CHL1: variants seen among roughly 807,000 people sequenced by gnomAD.
CHL1 encodes the protein cell adhesion molecule L1 like, also known as neural cell adhesion molecule L1-like protein.
In CHL1, 96 loss-of-function variants were observed where a neutral mutation model predicts 141.9. That is an observed-to-expected ratio of 0.68 (90% CI 0.57 to 0.80). The LOEUF (loss-of-function observed/expected upper bound fraction) is 0.80, where lower values mean the gene tolerates loss of function less well. Among genes scored for constraint, CHL1 ranks in the 30% least tolerant of loss-of-function variants. The pLI is 0.00. For missense variants in CHL1, 1,820 were observed against 1,457.2 expected, an observed-to-expected ratio of 1.25 and a Z score of -4.05; for synonymous variants, 613 against 502.2, an observed-to-expected ratio of 1.22 and a Z score of -2.95.
At chr3:306,524 T>C (rs1224092335) in intron 2 of CHL1, among the ~76,000 whole-genome samples, 2 of 152,178 alleles carry the variant, frequency 1.3e-5, no homozygotes, top group Admixed American at 6.5e-5. Flanking sequence ...TATATTCCAC[T>C]TGAAAATTTT....
In CHL1 at chr3:406,774, CTT is replaced by C. The variant is rs1169261182; in HGVS notation, c.*1065_*1066del. 1 of 152,030 alleles carries C rather than the reference CTT, an allele frequency of 6.6e-6. No homozygotes were observed. 9.4% of individuals were successfully genotyped at this position (152,030 alleles called of 1,614,324 possible). On this transcript the variant is annotated 3_prime_UTR_variant, in exon 28 of 28. Coordinates refer to ENST00000256509, the MANE Select transcript of CHL1 (RefSeq NM_006614.4). ...TAACACGAGGTTCCAAAGCTGAAGA[CTT>C]TGTATAAAGTATTTGGGTTTTGTTC... is the stretch of plus-strand genomic sequence containing the variant.
intron 5 of CHL1, among the ~76,000 whole-genome samples, chr3:334,243 C>T (rs145977154): frequency 6.6e-6 from 1 of 152,104 alleles, no homozygotes; most frequent in African/African-American, 2.4e-5. Flanking sequence ...TGCTATGTTG[C>T]CCACACTGGT....
chr3:405,494 G>C lies in CHL1; in HGVS notation c.3459-1G>C, dbSNP rs1709470641. ...GCTATTTTTGTTTGTTTGTTTTCTA[G>C]TGACAGTGATGAAAAGCCTCTCAAA... On this transcript the variant is annotated splice_acceptor_variant, in intron 27 of 27. Transcript: ENST00000256509. LOFTEE classifies it high-confidence loss of function. 6.2e-7 allele frequency: 1 copy of C among 1,604,028 alleles called. No individual in the cohort carries two copies. The highest frequency in any genetic ancestry group is 1.3e-5 in the African/African-American group (1 of 74,608).
At chr3:254,131 C>T (rs547232540) in intron 2 of CHL1, among the ~76,000 whole-genome samples, 1 of 152,262 alleles carries the variant, frequency 6.6e-6, no homozygotes, top group African/African-American at 2.4e-5. Context: ...GTTAGCCCTG[C>T]TTTAGGGATT....
intron 2 of CHL1, among the ~76,000 whole-genome samples, chr3:268,029 C>G (rs555615604): frequency 4.6e-5 from 7 of 152,262 alleles, no homozygotes; most frequent in African/African-American, 1.7e-4. Context: ...AATTTATTTA[C>G]TTCACATTTG....
Position 399,093 on chromosome 3 carries a change from A to G in CHL1, c.3330A>G (p.Thr1110=), listed in dbSNP as rs138211643. The G allele has an allele frequency of 3.7e-6, 6 of 1,608,192 alleles. No individual in the cohort carries two copies. The highest frequency in any genetic ancestry group is 1.3e-5 in the African/African-American group (1 of 74,770). The part of the protein sequence containing the change: ...IGLMCAIALL[T]LLLLTVCFVK... ...TGATGTGTGCGATTGCTCTTCTCACACTACTATTATTAACTGTTTGCTTTG... is the reference window on the plus strand; with the variant it reads ...TGATGTGTGCGATTGCTCTTCTCACGCTACTATTATTAACTGTTTGCTTTG... Residue 1110 remains threonine (T), a synonymous_variant, in exon 26 of 28, where the codon ACA becomes ACG. Coordinates refer to ENST00000256509, the MANE Select transcript of CHL1 (RefSeq NM_006614.4).
intron 1 of CHL1, among the ~76,000 whole-genome samples, chr3:200,212 T>C (rs1466163170): frequency 1.3e-5 from 2 of 152,212 alleles, no homozygotes; most frequent in South Asian, 2.1e-4. Context: ...TTAGAAACAA[T>C]AAAATTAGCT....
chr3:354,920 C>T (rs923966500), intron 11 of CHL1, 149 bp downstream of exon 11: 1 of 994,262 alleles, frequency 1.0e-6, no homozygotes, highest in African/African-American at 1.6e-5. Flanking sequence ...TATTTCTAAG[C>T]AATTTGGTTG....
At position 302,195 on chromosome 3, in the gene CHL1, C is replaced by A. The variant is rs543801121; in HGVS notation, c.-94-17488C>A. Among the ~76,000 whole-genome samples, 11 of 152,288 alleles carry A rather than the reference C, an allele frequency of 7.2e-5. No homozygotes were observed. In the East Asian group the frequency reaches 1.3e-3, roughly 19 times the overall value. Reference sequence around the variant, plus strand: ...CAAGTCTTTGCTATTGTGAATTGTGCCACAATAAACATACATGTGCATGTG... The same window carrying A: ...CAAGTCTTTGCTATTGTGAATTGTGACACAATAAACATACATGTGCATGTG... On this transcript the variant is annotated intron_variant, in intron 2 of 27. Transcript: ENST00000256509.
At position 311,364 on chromosome 3, in the gene CHL1, C is replaced by CT. The variant is rs34996009; in HGVS notation, c.-94-8301dup. Among the ~76,000 whole-genome samples the CT allele has an allele frequency of 7.7e-3, 1,075 of 139,490 alleles. 8 individuals are homozygous for CT. The highest frequency in any genetic ancestry group is 0.024 in the East Asian group (117 of 4,830). The allele number at this position is 139,490 out of a possible 152,430, so 91.5% of individuals were successfully genotyped here. A position where few individuals can be genotyped will look rare whatever the true frequency, so the allele number is the denominator to read the frequency against. On this transcript the variant is annotated intron_variant, in intron 2 of 27. Coordinates refer to ENST00000256509, the MANE Select transcript of CHL1 (RefSeq NM_006614.4). ...TATCCACAATTTATTGACCACACAACTTTTTTTTTTTTTTTTTTACCCAGC... is the reference window on the plus strand; with the variant it reads ...TATCCACAATTTATTGACCACACAACTTTTTTTTTTTTTTTTTTTACCCAGC...
intron 1 of CHL1, among the ~76,000 whole-genome samples, chr3:202,151 C>T (rs1391892): frequency 0.25 from 37,425 of 152,022 alleles, 6,389 homozygotes; most frequent in African/African-American, 0.49. Flanking sequence ...TCTTTAGAAA[C>T]GGGGAAATAG....
Position 353,574 on chromosome 3 carries a change from C to G in CHL1, c.1034-1066C>G, listed in dbSNP as rs527456115. On this transcript the variant is annotated intron_variant, in intron 10 of 27. Transcript: ENST00000256509. ...TACAAAGGCACTTATCTCACTTGGACTTGAACTTGAACTTGCCAAGGCTAG... is the reference window on the plus strand; with the variant it reads ...TACAAAGGCACTTATCTCACTTGGAGTTGAACTTGAACTTGCCAAGGCTAG... Among the ~76,000 whole-genome samples, 37 of 150,808 alleles carry G rather than the reference C, an allele frequency of 2.5e-4. 2 individuals are homozygous for G. The Middle Eastern group carries it at 0.017, about 69-fold the overall frequency.
At chr3:329,406 G>T (rs1051246332) in intron 5 of CHL1, among the ~76,000 whole-genome samples, 1 of 152,000 alleles carries the variant, frequency 6.6e-6, no homozygotes, top group Admixed American at 6.6e-5. Flanking sequence ...TTCAGAGAGG[G>T]CATTGTATTT....
At chr3:251,425 G>T (rs547277045) in intron 2 of CHL1, among the ~76,000 whole-genome samples, 1 of 152,138 alleles carries the variant, frequency 6.6e-6, no homozygotes, top group Non-Finnish European at 1.5e-5. Flanking sequence ...CTGCTAATCC[G>T]TAAAGTGGGC....
intron 10 of CHL1, among the ~76,000 whole-genome samples, chr3:352,017 A>T (rs1703309553): frequency 6.6e-6 from 1 of 152,136 alleles, no homozygotes; most frequent in Non-Finnish European, 1.5e-5. Flanking sequence ...TCCCACCAAT[A>T]ATTTTTATGT....
chr3:329,023 TA>T (rs1408205174), intron 5 of CHL1, among the ~76,000 whole-genome samples: 1 of 152,174 alleles, frequency 6.6e-6, no homozygotes, highest in Non-Finnish European at 1.5e-5. Flanking sequence ...AAAATTTGTG[TA>T]AAACTGCAAG....
chr3:363,468 A>G, intron 14 of CHL1, 85 bp downstream of exon 14: 5 of 1,197,006 alleles, frequency 4.2e-6, no homozygotes, highest in Admixed American at 2.3e-5. Flanking sequence ...AATACCATTT[A>G]AGTTGGAGTA....
At chr3:312,404 G>A in intron 2 of CHL1, among the ~76,000 whole-genome samples, 1 of 152,138 alleles carries the variant, frequency 6.6e-6, no homozygotes, top group East Asian at 1.9e-4. Context: ...CAGAGTAAAA[G>A]CCATTAACAG....
chr3:372,048 T>A (rs752230359), intron 15 of CHL1, among the ~76,000 whole-genome samples: 3 of 152,186 alleles, frequency 2.0e-5, no homozygotes, highest in Non-Finnish European at 4.4e-5. Flanking sequence ...ATTTTTTCCT[T>A]CATTTCAGCC....
Sources: allele counts gnomAD v4.1 joint callset (sites outside exome capture counted in the v4.1 genomes callset), GRCh38; gene constraint gnomAD v4.1.1; transcripts MANE v1.5; gene names NCBI Gene and HGNC (gene_info 2026-07-23, HGNC 2026-07-21).